SPOCK3: variants seen among roughly 807,000 people sequenced by gnomAD.
SPOCK3 encodes the protein testican-3.
SPOCK3 carries 30 observed loss-of-function variants against 56.6 expected under a neutral mutation model. The observed-to-expected ratio is 0.53, with a 90% CI of 0.40 to 0.72. The LOEUF (loss-of-function observed/expected upper bound fraction) is 0.72, where lower values mean the gene tolerates loss of function less well. SPOCK3 is among the 30% of genes least tolerant of loss of function. The pLI is 0.00. For synonymous variants in SPOCK3, 196 were observed against 183.3 expected, an observed-to-expected ratio of 1.07 and a Z score of -0.56; for missense variants, 527 against 530.0, an observed-to-expected ratio of 0.99 and a Z score of 0.06.
At chr4:167,118,034 C>T (rs1761575435) in intron 2 of SPOCK3, among the ~76,000 whole-genome samples, 1 of 152,048 alleles carries the variant, frequency 6.6e-6, no homozygotes, top group African/African-American at 2.4e-5. Flanking sequence ...ATTATGTGAC[C>T]TATAATTAGA....
chr4:167,023,581 C>G (rs1561131094), intron 3 of SPOCK3, among the ~76,000 whole-genome samples: 1 of 151,936 alleles, frequency 6.6e-6, no homozygotes, highest in Non-Finnish European at 1.5e-5. Flanking sequence ...GCTTTCATGA[C>G]ACCAGTGGTG....
At chr4:166,904,369 T>C (rs1262494756) in intron 5 of SPOCK3, among the ~76,000 whole-genome samples, 3 of 152,114 alleles carry the variant, frequency 2.0e-5, no homozygotes, top group Non-Finnish European at 2.9e-5. Flanking sequence ...ACACACATTA[T>C]GCAATCATGA....
chr4:167,170,001 A>T (rs1055500608), intron 2 of SPOCK3, among the ~76,000 whole-genome samples: 1 of 152,164 alleles, frequency 6.6e-6, no homozygotes. Flanking sequence ...CTCTTCAGCC[A>T]TGTGGGACTG....
chr4:166,813,505 T>G (rs1388240170), intron 6 of SPOCK3, among the ~76,000 whole-genome samples: 2 of 152,048 alleles, frequency 1.3e-5, no homozygotes, highest in Non-Finnish European at 2.9e-5. Context: ...ATAATTCATT[T>G]CAGTGAGGAA....
intron 4 of SPOCK3, among the ~76,000 whole-genome samples, chr4:166,993,028 A>G (rs1461153157): frequency 6.6e-6 from 1 of 152,152 alleles, no homozygotes; most frequent in Non-Finnish European, 1.5e-5. Flanking sequence ...TCATCGATTT[A>G]AACCCCTGTT....
intron 4 of SPOCK3, among the ~76,000 whole-genome samples, chr4:166,995,633 C>T (rs1429305975): frequency 6.6e-6 from 1 of 151,910 alleles, no homozygotes; most frequent in Non-Finnish European, 1.5e-5. Context: ...GAACTAATCT[C>T]AAGCAGAACA....
intron 3 of SPOCK3, among the ~76,000 whole-genome samples, chr4:167,048,406 T>C (rs1418620542): frequency 6.6e-6 from 1 of 152,060 alleles, no homozygotes; most frequent in South Asian, 2.1e-4. Flanking sequence ...CTAAAATAAG[T>C]GTCGGAAGAA....
At chr4:167,195,382 G>T (rs1260271820) in intron 2 of SPOCK3, among the ~76,000 whole-genome samples, 2 of 152,204 alleles carry the variant, frequency 1.3e-5, no homozygotes, top group Non-Finnish European at 2.9e-5. Context: ...TGCCTGCAGG[G>T]TCACCATGGA....
In SPOCK3 at chr4:167,222,706, CAT is replaced by C. The variant is rs1483087748; in HGVS notation, c.189+11277_189+11278del. Among the ~76,000 whole-genome samples, 177 of 128,386 alleles carry C rather than the reference CAT, an allele frequency of 1.4e-3. 1 individual carries two copies. Among genetic ancestry groups the C allele is most frequent in the African/African-American group, 5.1e-3 (173 of 33,650 alleles). 84.2% of individuals were successfully genotyped at this position (128,386 alleles called of 152,430 possible). On this transcript the variant is annotated intron_variant, in intron 2 of 10. Transcript: ENST00000357545. Reference sequence around the variant, plus strand: ...ATATATGAATATATAAACATATAAACATAGATATATATTGATATATGAATATA... The same window carrying C: ...ATATATGAATATATAAACATATAAACAGATATATATTGATATATGAATATA...
At chr4:166,926,053 G>C (rs1739059779) in intron 4 of SPOCK3, among the ~76,000 whole-genome samples, 1 of 152,094 alleles carries the variant, frequency 6.6e-6, no homozygotes, top group African/African-American at 2.4e-5. Context: ...TGAATGATTA[G>C]TAGACAGATT....
intron 7 of SPOCK3, among the ~76,000 whole-genome samples, chr4:166,789,266 C>A (rs920071362): frequency 2.0e-5 from 3 of 151,812 alleles, no homozygotes; most frequent in African/African-American, 7.3e-5. Context: ...CCCGTCTCTA[C>A]TAAAAATACA....
intron 6 of SPOCK3, among the ~76,000 whole-genome samples, chr4:166,863,565 AG>A (rs1360409134): frequency 1.1e-5 from 1 of 94,656 alleles, no homozygotes; most frequent in Non-Finnish European, 2.8e-5. Context: ...AGACACACAT[AG>A]ACTTAAAAAT....
At chr4:167,219,609 AAAG>A (rs1470889475) in intron 2 of SPOCK3, among the ~76,000 whole-genome samples, 1 of 152,190 alleles carries the variant, frequency 6.6e-6, no homozygotes. Context: ...TGCTAAGAAT[AAAG>A]AACTCACAAA....
intron 2 of SPOCK3, among the ~76,000 whole-genome samples, chr4:167,157,177 C>T (rs534514672): frequency 7.9e-5 from 12 of 151,972 alleles, no homozygotes; most frequent in African/African-American, 2.4e-4. Context: ...AAGAAGAAAG[C>T]GGGAGAAAAT....
At chr4:167,098,058 C>A (rs957884992) in intron 2 of SPOCK3, among the ~76,000 whole-genome samples, 3 of 151,968 alleles carry the variant, frequency 2.0e-5, no homozygotes, top group African/African-American at 7.2e-5. Context: ...AACACCTTAT[C>A]TTAGGTGTGA....
intron 2 of SPOCK3, among the ~76,000 whole-genome samples, chr4:167,233,167 C>G (rs1218578492): frequency 6.6e-6 from 1 of 152,146 alleles, no homozygotes; most frequent in African/African-American, 2.4e-5. Flanking sequence ...GTGAGCAGCT[C>G]TTACTGGGCT....
chr4:166,748,776 G>T lies in SPOCK3; in HGVS notation c.931+5732C>A, dbSNP rs891872681. Reference sequence around the variant, plus strand: ...AACATCCAGAATCCACAAAGAACTTGAACAAATTTATAAGAAAAAAATCAA... The same window carrying T: ...AACATCCAGAATCCACAAAGAACTTTAACAAATTTATAAGAAAAAAATCAA... On this transcript the variant is annotated intron_variant, in intron 8 of 10. Transcript: ENST00000357545. 1.5e-5 allele frequency among the ~76,000 whole-genome samples: 2 copies of T among 136,558 alleles called. 1 individual carries two copies. 89.6% of individuals were successfully genotyped at this position (136,558 alleles called of 152,430 possible).
At chr4:166,904,501 T>C (rs1280634135) in intron 5 of SPOCK3, among the ~76,000 whole-genome samples, 1 of 152,224 alleles carries the variant, frequency 6.6e-6, no homozygotes, top group East Asian at 1.9e-4. Flanking sequence ...TAGAAACTTT[T>C]TGAGTAACTC....
At chr4:167,099,155 T>C (rs1759418320) in intron 2 of SPOCK3, among the ~76,000 whole-genome samples, 3 of 151,982 alleles carry the variant, frequency 2.0e-5, no homozygotes, top group Admixed American at 6.6e-5. Context: ...TTCATTTGTA[T>C]TATACTTTTT....
Sources: allele counts gnomAD v4.1 joint callset (sites outside exome capture counted in the v4.1 genomes callset), GRCh38; gene constraint gnomAD v4.1.1; transcripts MANE v1.5; gene names NCBI Gene and HGNC (gene_info 2026-07-23, HGNC 2026-07-21).